Variants in UNC5C observed in about 807,000 individuals in gnomAD.
UNC5C encodes the protein netrin receptor UNC5C.
In UNC5C, 47 loss-of-function variants were observed where a neutral mutation model predicts 99.8. The observed-to-expected ratio is 0.47, with a 90% confidence interval of 0.37 to 0.60. UNC5C has a LOEUF of 0.60. Ranked by LOEUF, UNC5C falls within the 20% of genes least tolerant of loss-of-function variation. The probability of loss-of-function intolerance (pLI) is 0.00; values close to 1 mark genes in which losing one functional copy is unlikely to be tolerated. For synonymous variants in UNC5C, 487 were observed against 452.2 expected (o/e 1.08, Z -0.98); for missense variants, 1,062 against 1,165.9 (o/e 0.91, Z 1.30).
At chr4:95,337,751 G>A (rs536528517) in intron 1 of UNC5C, among the ~76,000 whole-genome samples, 1 of 152,040 alleles carries the variant, frequency 6.6e-6, no homozygotes, top group African/African-American at 2.4e-5. Context: ...TTTTCAAGAT[G>A]TTTGTTAACA....
chr4:95,353,938 A>G (rs1489728363), intron 1 of UNC5C, among the ~76,000 whole-genome samples: 2 of 152,162 alleles, frequency 1.3e-5, no homozygotes, highest in Non-Finnish European at 2.9e-5. Context: ...AATAATACAC[A>G]TGAAAAGTAC....
At chr4:95,328,305 A>T (rs1742979663) in intron 2 of UNC5C, among the ~76,000 whole-genome samples, 1 of 92,308 alleles carries the variant, frequency 1.1e-5, no homozygotes, top group Non-Finnish European at 2.4e-5. Context: ...TATGCGTGAG[A>T]ATATGCGGTG....
chr4:95,544,440 C>A (rs142349357), intron 1 of UNC5C, among the ~76,000 whole-genome samples: 130 of 152,288 alleles, frequency 8.5e-4, no homozygotes, highest in African/African-American at 2.8e-3. Context: ...CCCCACCCAC[C>A]ACTCACATTA....
chr4:95,452,925 T>A (rs265045), intron 1 of UNC5C, among the ~76,000 whole-genome samples: 1 of 152,056 alleles, frequency 6.6e-6, no homozygotes, highest in African/African-American at 2.4e-5. Context: ...TACTCTTTGT[T>A]GTGGGCAATC....
At chr4:95,267,190 A>C (rs926798066) in intron 4 of UNC5C, among the ~76,000 whole-genome samples, 4 of 152,258 alleles carry the variant, frequency 2.6e-5, no homozygotes, top group African/African-American at 9.6e-5. Context: ...AATTTTAAAA[A>C]AGGACAACTA....
chr4:95,310,364 A>T (rs1176659358), intron 2 of UNC5C, among the ~76,000 whole-genome samples: 1 of 152,090 alleles, frequency 6.6e-6, no homozygotes, highest in African/African-American at 2.4e-5. Flanking sequence ...AGTTCAAGAG[A>T]TGTGCAACAT....
In UNC5C at chr4:95,548,789, G is replaced by A. The variant is rs1471594959; in HGVS notation, c.69C>T (p.Leu23=). The part of the protein sequence containing the change: ...GLGLGYLLQM[L]VLPALALLSA... ...TGAGCAGGGCCAGGGCAGGTAGCAC[G>A]AGCATTTGCAGCAAGTATCCCAGTC... The change falls in exon 1 of 16, where the codon CTC becomes CTT. Residue 23 remains leucine (L), a synonymous_variant. Coordinates refer to ENST00000453304, the MANE Select transcript of UNC5C (RefSeq NM_003728.4). 1.9e-6 allele frequency: 3 copies of A among 1,613,466 alleles called. No homozygotes were observed. Among genetic ancestry groups the A allele is most frequent in the South Asian group, 2.2e-5 (2 of 91,076 alleles).
chr4:95,214,334 C>G (rs1738174260), intron 10 of UNC5C, among the ~76,000 whole-genome samples: 1 of 152,202 alleles, frequency 6.6e-6, no homozygotes, highest in Non-Finnish European at 1.5e-5. Flanking sequence ...ATAAACAGAA[C>G]TTCTTTTATG....
At chr4:95,443,324 T>G (rs901478470) in intron 1 of UNC5C, among the ~76,000 whole-genome samples, 1 of 152,174 alleles carries the variant, frequency 6.6e-6, no homozygotes, top group Non-Finnish European at 1.5e-5. Context: ...TGTATTTTTG[T>G]GTTGTTATTT....
At chr4:95,232,966 G>C (rs1467415642) in intron 7 of UNC5C, among the ~76,000 whole-genome samples, 1 of 152,214 alleles carries the variant, frequency 6.6e-6, no homozygotes, top group East Asian at 1.9e-4. Flanking sequence ...GTGTTGACAA[G>C]AATTTCACTG....
chr4:95,289,670 A>G (rs1211623838), intron 3 of UNC5C, among the ~76,000 whole-genome samples: 1 of 152,232 alleles, frequency 6.6e-6, no homozygotes, highest in Non-Finnish European at 1.5e-5. Context: ...AAAAAAATGT[A>G]TCTTTCTTCC....
chr4:95,344,496 T>C (rs1372860187), intron 1 of UNC5C, among the ~76,000 whole-genome samples: 2 of 152,026 alleles, frequency 1.3e-5, no homozygotes, highest in Non-Finnish European at 2.9e-5. Context: ...AGAAATTATC[T>C]GAAGGTGCAA....
At chr4:95,248,529 G>C in intron 5 of UNC5C, 1 of 455,972 alleles carries the variant, frequency 2.2e-6, no homozygotes, top group Non-Finnish European at 4.4e-6. Context: ...CTGGTATAGG[G>C]AAGCCATCTT....
chr4:95,219,375 C>G (rs1738381704), intron 8 of UNC5C, 62 bp from the exon 9 acceptor site: 1 of 1,494,804 alleles, frequency 6.7e-7, no homozygotes, highest in Non-Finnish European at 9.1e-7. Flanking sequence ...CTACATTAGT[C>G]AGACTCCCCC....
At chr4:95,258,743 A>ATTTTTTTTTTT (rs1740102405) in intron 4 of UNC5C, among the ~76,000 whole-genome samples, 1 of 85,868 alleles carries the variant, frequency 1.2e-5, no homozygotes. Flanking sequence ...CGACCATCTT[A>ATTTTTTTTTTT]TTCTTTTTTT....
intron 5 of UNC5C, chr4:95,248,690 A>G (rs1476470247): frequency 7.4e-6 from 3 of 405,128 alleles, no homozygotes; most frequent in African/African-American, 6.2e-5. Flanking sequence ...CTTCAGTCCT[A>G]TCATGTACCC....
intron 1 of UNC5C, among the ~76,000 whole-genome samples, chr4:95,546,697 T>C (rs2149498134): frequency 6.6e-6 from 1 of 152,306 alleles, no homozygotes; most frequent in African/African-American, 2.4e-5. Context: ...CTACAAAAAG[T>C]GCAAGAGAAA....
intron 1 of UNC5C, among the ~76,000 whole-genome samples, chr4:95,438,383 C>G (rs750330359): frequency 3.9e-5 from 6 of 152,082 alleles, no homozygotes; most frequent in Non-Finnish European, 8.8e-5. Flanking sequence ...GCCAAGATAA[C>G]TTTCTGGGAA....
At chr4:95,405,282 C>T (rs1442833918) in intron 1 of UNC5C, among the ~76,000 whole-genome samples, 1 of 152,176 alleles carries the variant, frequency 6.6e-6, no homozygotes, top group African/African-American at 2.4e-5. Context: ...CTCGCCCCGG[C>T]CTCTACATGT....
Sources: allele counts gnomAD v4.1 joint callset (sites outside exome capture counted in the v4.1 genomes callset), GRCh38; gene constraint gnomAD v4.1.1; transcripts MANE v1.5; gene names NCBI Gene and HGNC (gene_info 2026-07-23, HGNC 2026-07-21).